Variants in LIN28B observed in about 807,000 individuals in gnomAD.
LIN28B encodes protein lin-28 homolog B.
A neutral mutation model predicts 21.9 loss-of-function variants in LIN28B; 5 were observed. The observed-to-expected ratio is 0.23, with a 90% CI of 0.12 to 0.48. The LOEUF (loss-of-function observed/expected upper bound fraction) is 0.48, where lower values mean the gene tolerates loss of function less well. LIN28B is among the 20% of genes least tolerant of loss of function. LIN28B has a pLI of 0.98. For synonymous variants in LIN28B, 109 were observed against 111.3 expected (o/e 0.98, Z 0.13); for missense variants, 245 against 310.5 (o/e 0.79, Z 1.58).
chr6:104,999,208 T>C (rs1465292197), intron 2 of LIN28B, among the ~76,000 whole-genome samples: 1 of 152,210 alleles, frequency 6.6e-6, no homozygotes, highest in Non-Finnish European at 1.5e-5. Context: ...GGCATGCTCA[T>C]AGCTCATTGC....
At chr6:104,959,318 T>C (rs1769671072) in intron 2 of LIN28B, among the ~76,000 whole-genome samples, 1 of 152,214 alleles carries the variant, frequency 6.6e-6, no homozygotes. Context: ...TGAAAGGCTG[T>C]TAATACTACA....
rs150823754 is a variant in LIN28B at position 104,938,314 on chromosome 6, T to C, written c.18+1198T>C. ...GGTCCCAGGTAGAGGGATTCACTTT[T>C]ATAAAGAAATTGCCAAGGTTCACTT... On this transcript the variant is annotated intron_variant, in intron 2 of 5. Coordinates refer to the LIN28B transcript ENST00000635857. Among the ~76,000 whole-genome samples, 308 of 152,062 alleles carry C rather than the reference T, an allele frequency of 2.0e-3. 3 individuals carry two copies. Among genetic ancestry groups the C allele is most frequent in the African/African-American group, 7.0e-3 (291 of 41,490 alleles).
chr6:105,052,833 G>T (rs1291717223), intron 3 of LIN28B, among the ~76,000 whole-genome samples: 1 of 151,650 alleles, frequency 6.6e-6, no homozygotes, highest in Non-Finnish European at 1.5e-5. Context: ...ATCCTTTCTA[G>T]CCAATTTTTG....
chr6:104,982,716 C>T (rs190473689), intron 2 of LIN28B, among the ~76,000 whole-genome samples: 701 of 152,154 alleles, frequency 4.6e-3, no homozygotes, highest in Non-Finnish European at 7.8e-3. Flanking sequence ...GTATATTAAT[C>T]AATATTAACA....
chr6:104,980,386 A>T (rs1770194114), intron 2 of LIN28B, among the ~76,000 whole-genome samples: 1 of 152,190 alleles, frequency 6.6e-6, no homozygotes, highest in African/African-American at 2.4e-5. Flanking sequence ...GGTAGCAAAA[A>T]TGATGCAGGT....
At chr6:104,939,820 G>A (rs1018171159) in intron 2 of LIN28B, among the ~76,000 whole-genome samples, 2 of 152,104 alleles carry the variant, frequency 1.3e-5, no homozygotes, top group Non-Finnish European at 2.9e-5. Flanking sequence ...GGCGATATTC[G>A]ATTTTTTAGC....
chr6:105,040,752 A>G (rs1172022173), intron 3 of LIN28B, among the ~76,000 whole-genome samples: 2 of 152,114 alleles, frequency 1.3e-5, no homozygotes, highest in Non-Finnish European at 2.9e-5. Flanking sequence ...CATATCTATT[A>G]GAGTTTTCTG....
chr6:105,077,475 A>G (rs976569124), intron 3 of LIN28B, among the ~76,000 whole-genome samples: 8 of 152,142 alleles, frequency 5.3e-5, no homozygotes, highest in South Asian at 2.1e-4. Context: ...GATTGAACAA[A>G]TATACCTCTG....
At chr6:104,988,950 A>G (rs1329011535) in intron 2 of LIN28B, among the ~76,000 whole-genome samples, 1 of 152,114 alleles carries the variant, frequency 6.6e-6, no homozygotes, top group Admixed American at 6.5e-5. Context: ...TGTGTATTTC[A>G]TATAAATTTT....
At chr6:104,956,748 C>T (rs1582862588), upstream of LIN28B, among the ~76,000 whole-genome samples, 1 of 152,114 alleles carries the variant, frequency 6.6e-6, no homozygotes, top group African/African-American at 2.4e-5. Flanking sequence ...AAACGACCCC[C>T]TCCCATGATT....
intron 2 of LIN28B, among the ~76,000 whole-genome samples, chr6:104,974,307 G>C (rs1770041000): frequency 3.3e-5 from 5 of 151,860 alleles, no homozygotes; most frequent in Admixed American, 2.6e-4. Context: ...TGGCCAATAT[G>C]GTGAAACCCC....
rs1301911851 is a variant in LIN28B, at chr6:105,032,734, T to A, written c.383+6252T>A. On this transcript the variant is annotated intron_variant, in intron 3 of 3. Transcript: ENST00000345080. The stretch of plus-strand genomic sequence containing the variant: ...GACCCTGCCTCAAAAAAAAAAAAAT[T>A]TTTTTTAACCATTCTGTTAGGCGTG... Among the ~76,000 whole-genome samples the A allele has an allele frequency of 4.6e-5, 7 of 152,038 alleles. No homozygotes were observed. In the East Asian group the frequency reaches 1.2e-3, roughly 25 times the overall value.
chr6:105,029,119 G>A lies in LIN28B; in HGVS notation c.383+2637G>A, dbSNP rs1337855461. On this transcript the variant is annotated intron_variant, in intron 3 of 3. Transcript: ENST00000345080. ...TGACAAGAACGGGCTGAGTGGACTGGTGGGGGTGAAAGCCTTCGTGGGTTG... is the reference window on the plus strand; with the variant it reads ...TGACAAGAACGGGCTGAGTGGACTGATGGGGGTGAAAGCCTTCGTGGGTTG... Among the ~76,000 whole-genome samples, 5 of 152,230 alleles carry A rather than the reference G, an allele frequency of 3.3e-5. No individual in the cohort carries two copies. The East Asian group carries it at 9.6e-4, about 29-fold the overall frequency.
At chr6:104,950,594 C>G in intron 3 of LIN28B, 1 of 743,732 alleles carries the variant, frequency 1.3e-6, no homozygotes, top group Non-Finnish European at 1.8e-6. Flanking sequence ...GAGAACCTGA[C>G]AGCCCTCAGG....
At chr6:104,951,657 T>C (rs1778222673) in intron 3 of LIN28B, among the ~76,000 whole-genome samples, 1 of 152,230 alleles carries the variant, frequency 6.6e-6, no homozygotes, top group South Asian at 2.1e-4. Context: ...GTTTCATGTC[T>C]GTATTTCCTT....
At chr6:105,037,984 G>A (rs552202757) in intron 3 of LIN28B, among the ~76,000 whole-genome samples, 18 of 152,100 alleles carry the variant, frequency 1.2e-4, no homozygotes, top group African/African-American at 4.1e-4. Flanking sequence ...AAAGACATAA[G>A]GCAAAGCTTT....
chr6:104,979,162 A>T (rs2114602383), intron 2 of LIN28B, among the ~76,000 whole-genome samples: 1 of 151,932 alleles, frequency 6.6e-6, no homozygotes, highest in South Asian at 2.1e-4. Context: ...TGATTATAGG[A>T]TATTTGGAGA....
At chr6:104,982,349 A>G (rs570294270) in intron 2 of LIN28B, among the ~76,000 whole-genome samples, 27 of 152,162 alleles carry the variant, frequency 1.8e-4, no homozygotes, top group Non-Finnish European at 3.4e-4. Context: ...TATTAATTTG[A>G]ATGGCCTCCA....
chr6:105,024,108 C>G (rs953085993), intron 2 of LIN28B, among the ~76,000 whole-genome samples: 11 of 152,198 alleles, frequency 7.2e-5, no homozygotes, highest in African/African-American at 2.6e-4. Flanking sequence ...TCTGCCTCAG[C>G]CTCCCAAGTA....
Sources: allele counts gnomAD v4.1 joint callset (sites outside exome capture counted in the v4.1 genomes callset), GRCh38; gene constraint gnomAD v4.1.1; transcripts MANE v1.5; gene names NCBI Gene and HGNC (gene_info 2026-07-23, HGNC 2026-07-21).